PTPRT: variants seen among roughly 807,000 people sequenced by gnomAD.
PTPRT encodes the protein receptor-type tyrosine-protein phosphatase T.
PTPRT carries 56 observed loss-of-function variants against 176.8 expected under a neutral mutation model. The observed-to-expected ratio is 0.32, with a 90% CI of 0.26 to 0.40. The LOEUF is 0.40. PTPRT is among the 10% of genes least tolerant of loss of function. The probability of loss-of-function intolerance (pLI) is 1.00; values close to 1 mark genes in which losing one functional copy is unlikely to be tolerated. For synonymous variants in PTPRT, 783 were observed against 739.0 expected (o/e 1.06, Z -0.96); for missense variants, 1,540 against 1,908.2 (o/e 0.81, Z 3.60).
At chr20:42,617,226 T>C (rs1404294302) in intron 7 of PTPRT, among the ~76,000 whole-genome samples, 2 of 136,198 alleles carry the variant, frequency 1.5e-5, no homozygotes, top group East Asian at 2.0e-4. Context: ...GCTCTGTTTA[T>C]ATGCTGGATT....
At chr20:42,927,802 G>A (rs545710883) in intron 1 of PTPRT, among the ~76,000 whole-genome samples, 2 of 152,248 alleles carry the variant, frequency 1.3e-5, no homozygotes, top group East Asian at 3.9e-4. Flanking sequence ...GAGCTGTCAG[G>A]GGCATTAACT....
chr20:42,673,060 C>T (rs200447654), intron 7 of PTPRT, among the ~76,000 whole-genome samples: 1 of 152,310 alleles, frequency 6.6e-6, no homozygotes, highest in East Asian at 1.9e-4. Flanking sequence ...AGTCACCAAC[C>T]TCCTTACTAC....
chr20:42,389,644 G>C (rs991149962), intron 9 of PTPRT, among the ~76,000 whole-genome samples: 12 of 152,142 alleles, frequency 7.9e-5, no homozygotes, highest in Non-Finnish European at 1.6e-4. Context: ...CTTGAGTCTA[G>C]GAGTTTGAGA....
chr20:42,759,453 C>A (rs1317574188), intron 5 of PTPRT, among the ~76,000 whole-genome samples: 1 of 152,148 alleles, frequency 6.6e-6, no homozygotes, highest in Non-Finnish European at 1.5e-5. Context: ...ATCACGAGGT[C>A]AGGAGATTGA....
chr20:42,676,686 C>G (rs2075509996), intron 7 of PTPRT, among the ~76,000 whole-genome samples: 1 of 152,144 alleles, frequency 6.6e-6, no homozygotes, highest in African/African-American at 2.4e-5. Context: ...TATTGAGTCT[C>G]TATTCCTTTG....
chr20:42,467,464 C>G (rs1430680843), intron 8 of PTPRT, among the ~76,000 whole-genome samples: 1 of 151,940 alleles, frequency 6.6e-6, no homozygotes, highest in African/African-American at 2.4e-5. Context: ...TATACGGAAC[C>G]CTGGTTCTGT....
At chr20:42,991,680 C>G (rs563020042) in intron 1 of PTPRT, among the ~76,000 whole-genome samples, 115 of 152,244 alleles carry the variant, frequency 7.6e-4, no homozygotes, top group African/African-American at 2.4e-3. Flanking sequence ...TAATGCCACT[C>G]AATTGTACAC....
Position 43,174,261 on chromosome 20 carries a change from T to C in PTPRT, c.88+15385A>G, listed in dbSNP as rs547864379. Among the ~76,000 whole-genome samples the C allele has an allele frequency of 1.7e-3, 259 of 152,308 alleles. 2 individuals carry two copies. Among genetic ancestry groups the C allele is most frequent in the Non-Finnish European group, 2.6e-3 (179 of 68,028 alleles). On this transcript the variant is annotated intron_variant, in intron 1 of 30. Transcript: ENST00000373187. ...CAAGTTCCCACACTGACTAGCTGTG[T>C]GACCTAGGGCTTGCTACTTAACCAC...
intron 1 of PTPRT, among the ~76,000 whole-genome samples, chr20:43,013,989 T>C (rs567899926): frequency 9.8e-5 from 15 of 152,360 alleles, no homozygotes; most frequent in Admixed American, 8.5e-4. Flanking sequence ...AGGTCACTTA[T>C]TGTCTTAACA....
chr20:42,476,815 G>A (rs1257727808), intron 7 of PTPRT, among the ~76,000 whole-genome samples: 1 of 152,214 alleles, frequency 6.6e-6, no homozygotes, highest in African/African-American at 2.4e-5. Flanking sequence ...GGTATAGGAA[G>A]TTGAGACTCA....
chr20:43,144,960 A>T (rs1001061930), intron 1 of PTPRT, among the ~76,000 whole-genome samples: 2 of 152,028 alleles, frequency 1.3e-5, no homozygotes, highest in Non-Finnish European at 2.9e-5. Context: ...ATACCTGTCA[A>T]CTCTGTGCTC....
chr20:42,958,279 A>G (rs1385021766), intron 1 of PTPRT, among the ~76,000 whole-genome samples: 19 of 2,644 alleles, frequency 7.2e-3, no homozygotes, highest in African/African-American at 0.034. Flanking sequence ...GTGAGAGGAG[A>G]GGAGGGAAGG....
intron 5 of PTPRT, among the ~76,000 whole-genome samples, chr20:42,771,186 C>A (rs556083941): frequency 6.6e-6 from 1 of 152,154 alleles, no homozygotes; most frequent in Non-Finnish European, 1.5e-5. Context: ...AACCATCTGA[C>A]CCCAGGAAAC....
intron 2 of PTPRT, among the ~76,000 whole-genome samples, chr20:42,877,571 T>G (rs558286660): frequency 2.0e-5 from 3 of 152,272 alleles, no homozygotes; most frequent in South Asian, 2.1e-4. Context: ...AGATACATGC[T>G]GGGGTCGCAT....
chr20:42,418,739 C>A (rs2059088704), intron 9 of PTPRT, among the ~76,000 whole-genome samples: 1 of 152,092 alleles, frequency 6.6e-6, no homozygotes, highest in Non-Finnish European at 1.5e-5. Flanking sequence ...CAGCCAGGAC[C>A]ATAGGGGCCG....
At chr20:42,772,055 G>A (rs1231378661) in intron 4 of PTPRT, among the ~76,000 whole-genome samples, 1 of 152,200 alleles carries the variant, frequency 6.6e-6, no homozygotes, top group Non-Finnish European at 1.5e-5. Flanking sequence ...GCCTGAAGAA[G>A]CAAAATAAGA....
intron 2 of PTPRT, among the ~76,000 whole-genome samples, chr20:42,803,699 A>G (rs939158996): frequency 6.6e-6 from 1 of 152,202 alleles, no homozygotes; most frequent in African/African-American, 2.4e-5. Context: ...AATTACAGGC[A>G]TGTGCCATCA....
intron 7 of PTPRT, among the ~76,000 whole-genome samples, chr20:42,579,766 C>CTTGTAAATTTGAGTTCA (rs2073337329): frequency 6.6e-6 from 1 of 151,954 alleles, no homozygotes; most frequent in African/African-American, 2.4e-5. Context: ...TTTGTTTTTT[C>CTTGTAAATTTGAGTTCA]TTGTAAATTT....
rs1004973890 is a variant in PTPRT, at chr20:42,356,217, C to G, written c.1561-3932G>C. ...AACCTTCATTTATAAGCGGGGAAAACGGAAGATTTGTAGAATAGCAAACAT... is the reference window on the plus strand; with the variant it reads ...AACCTTCATTTATAAGCGGGGAAAAGGGAAGATTTGTAGAATAGCAAACAT... On this transcript the variant is annotated intron_variant, in intron 9 of 30. Transcript: ENST00000373187. 2.0e-5 allele frequency among the ~76,000 whole-genome samples: 3 copies of G among 151,992 alleles called. No homozygotes were observed. The South Asian group carries it at 6.2e-4, about 32-fold the overall frequency.
Sources: allele counts gnomAD v4.1 joint callset (sites outside exome capture counted in the v4.1 genomes callset), GRCh38; gene constraint gnomAD v4.1.1; transcripts MANE v1.5; gene names NCBI Gene and HGNC (gene_info 2026-07-23, HGNC 2026-07-21).